Variants in SKIL observed in about 807,000 individuals in gnomAD.
The protein encoded by SKIL is ski-like protein.
SKIL carries 20 observed loss-of-function variants against 69.6 expected under a neutral mutation model. The ratio of observed to expected loss-of-function variants is 0.29; its 90% confidence interval spans 0.20 to 0.42. SKIL has a LOEUF of 0.42. SKIL is among the 10% of genes least tolerant of loss of function. SKIL has a pLI of 1.00. For missense variants in SKIL, 745 were observed against 783.1 expected, an observed-to-expected ratio of 0.95 and a Z score of 0.58; for synonymous variants, 310 against 279.9, an observed-to-expected ratio of 1.11 and a Z score of -1.08.
At chr3:170,362,923 C>T (rs1432302489) in intron 2 of SKIL, among the ~76,000 whole-genome samples, 1 of 149,446 alleles carries the variant, frequency 6.7e-6, no homozygotes, top group Admixed American at 6.8e-5. Context: ...TTTTGAATGC[C>T]GAGGTAATGG....
chr3:170,370,144 C>A (rs1736729292), intron 2 of SKIL, among the ~76,000 whole-genome samples: 1 of 152,018 alleles, frequency 6.6e-6, no homozygotes, highest in African/African-American at 2.4e-5. Flanking sequence ...GAGGCTGAGG[C>A]AGGAGAATGG....
chr3:170,386,470 G>T (rs942121485), intron 4 of SKIL, among the ~76,000 whole-genome samples: 3 of 151,908 alleles, frequency 2.0e-5, no homozygotes, highest in Non-Finnish European at 4.4e-5. Flanking sequence ...TTTTTGTTTC[G>T]TTTTTCTTTT....
At chr3:170,372,988 A>ATTTTTT (rs34211986) in intron 2 of SKIL, among the ~76,000 whole-genome samples, 1 of 134,178 alleles carries the variant, frequency 7.5e-6, no homozygotes, top group Non-Finnish European at 1.5e-5. Flanking sequence ...ATAATTTTCA[A>ATTTTTT]TTTTTTTTTT....
intron 1 of SKIL, among the ~76,000 whole-genome samples, chr3:170,358,214 G>C (rs1003895900): frequency 6.6e-6 from 1 of 152,186 alleles, no homozygotes; most frequent in Non-Finnish European, 1.5e-5. Context: ...GCCCGGGGCT[G>C]GCGCGGGGAG....
At chr3:170,373,010 C>T (rs539001907) in intron 2 of SKIL, among the ~76,000 whole-genome samples, 36 of 115,528 alleles carry the variant, frequency 3.1e-4, no homozygotes, top group Middle Eastern at 5.9e-3. Context: ...TTTTTTGAGA[C>T]GGAGTCTCAC....
At chr3:170,377,093 C>A (rs183929430) in intron 2 of SKIL, among the ~76,000 whole-genome samples, 1 of 152,204 alleles carries the variant, frequency 6.6e-6, no homozygotes, top group Non-Finnish European at 1.5e-5. Context: ...ATTTCTGTTG[C>A]CAGAAGTCAG....
At chr3:170,383,182 A>G (rs1463950810) in intron 3 of SKIL, among the ~76,000 whole-genome samples, 1 of 152,150 alleles carries the variant, frequency 6.6e-6, no homozygotes, top group African/African-American at 2.4e-5. Context: ...GTAAATCTGT[A>G]TTCCCTCCAA....
chr3:170,362,568 A>G (rs138238909), intron 2 of SKIL, among the ~76,000 whole-genome samples: 30 of 151,560 alleles, frequency 2.0e-4, no homozygotes. Context: ...CAATCCCAGC[A>G]CTTTGGGAGG....
At chr3:170,358,000 A>T (rs1178996094) in intron 1 of SKIL, 1 of 152,218 alleles carries the variant, frequency 6.6e-6, no homozygotes, top group Non-Finnish European at 1.5e-5. Flanking sequence ...CGTTGGCCCC[A>T]GGCGGTGGGC....
chr3:170,383,086 C>A (rs1362917766), intron 3 of SKIL, among the ~76,000 whole-genome samples: 4 of 152,160 alleles, frequency 2.6e-5, no homozygotes. Context: ...CCGTACTTCT[C>A]AAAATCAGAG....
chr3:170,362,260 T>TG (rs1201831937), intron 2 of SKIL, among the ~76,000 whole-genome samples: 2 of 152,160 alleles, frequency 1.3e-5, no homozygotes, highest in Non-Finnish European at 2.9e-5. Context: ...CCCAACACTT[T>TG]GGGGGGCTGA....
At chr3:170,364,311 C>CTTTTTTT (rs34818157) in intron 2 of SKIL, among the ~76,000 whole-genome samples, 8 of 59,974 alleles carry the variant, frequency 1.3e-4, no homozygotes, top group African/African-American at 4.0e-4. Flanking sequence ...TTGCTCCCGT[C>CTTTTTTT]TTTTTTTTTT....
In SKIL at chr3:170,375,176, A is replaced by G. The variant is rs112320486; in HGVS notation, c.1099-6068A>G. 2.8e-4 allele frequency among the ~76,000 whole-genome samples: 42 copies of G among 152,360 alleles called. 1 individual carries two copies. The highest frequency in any genetic ancestry group is 6.5e-4 in the African/African-American group (27 of 41,590). On this transcript the variant is annotated intron_variant, in intron 2 of 6. Coordinates refer to ENST00000259119, the MANE Select transcript of SKIL (RefSeq NM_005414.5). ...TAAATAGGGAATTCAGACATTGGCT[A>G]GGGGACTATGCTAGGTGATCTTTAA...
intron 2 of SKIL, among the ~76,000 whole-genome samples, chr3:170,364,690 C>T (rs1018670915): frequency 1.3e-5 from 2 of 151,764 alleles, no homozygotes; most frequent in Non-Finnish European, 2.9e-5. Context: ...TATTCTTGCT[C>T]TGTGTTTATG....
Position 170,360,513 on chromosome 3 carries a change from C to T in SKIL, c.182C>T (p.Pro61Leu), listed in dbSNP as rs1286104508. ...KEHLDDYGEA[P>L]VETDGEHVKR... Reference sequence around the variant, plus strand: ...CACTTGGATGACTATGGAGAAGCACCAGTGGAAACTGATGGAGAGCATGTT... The same window carrying T: ...CACTTGGATGACTATGGAGAAGCACTAGTGGAAACTGATGGAGAGCATGTT... The change falls in exon 2 of 7, where the codon CCA becomes CTA. Residue 61 changes from proline (P) to leucine (L), a missense_variant. By Grantham distance (98) the Pro-to-Leu change is moderately conservative. Coordinates refer to ENST00000259119, the MANE Select transcript of SKIL (RefSeq NM_005414.5). 5 of 1,614,120 alleles carry T rather than the reference C, an allele frequency of 3.1e-6. No homozygotes were observed. Among genetic ancestry groups the T allele is most frequent in the Admixed American group, 3.3e-5 (2 of 60,004 alleles).
intron 2 of SKIL, among the ~76,000 whole-genome samples, chr3:170,368,578 C>T (rs1016079208): frequency 1.3e-5 from 2 of 152,236 alleles, no homozygotes; most frequent in East Asian, 3.9e-4. Flanking sequence ...GCCTTTACTG[C>T]AGAAATGTAG....
rs148615745 is a variant in SKIL at position 170,360,682 on chromosome 3, G to A, written c.351G>A (p.Ser117=). Reference sequence around the variant, plus strand: ...CTCGGCATTCCCAAGAAAGCATGTCGCCTACTGTATTTCTGCCTCTTCCAT... The same window carrying A: ...CTCGGCATTCCCAAGAAAGCATGTCACCTACTGTATTTCTGCCTCTTCCAT... The part of the protein sequence containing the change: ...FSARHSQESM[S]PTVFLPLPSP... The change falls in exon 2 of 7, where the codon TCG becomes TCA. Residue 117 remains serine (S), a synonymous_variant. Transcript: ENST00000259119. 1,977 of 1,614,090 alleles carry A rather than the reference G, an allele frequency of 1.2e-3. 25 individuals are homozygous for A. The African/African-American group carries it at 0.024, about 19-fold the overall frequency.
chr3:170,381,008 T>G (rs939993596), intron 2 of SKIL, among the ~76,000 whole-genome samples: 8 of 151,480 alleles, frequency 5.3e-5, no homozygotes, highest in Non-Finnish European at 1.2e-4. Flanking sequence ...TTTTTTTTTT[T>G]TTTTTTAAAG....
chr3:170,376,242 T>G (rs2108207605), intron 2 of SKIL, among the ~76,000 whole-genome samples: 1 of 151,928 alleles, frequency 6.6e-6, no homozygotes. Flanking sequence ...GAGATGGGGT[T>G]TCACCATTTG....
Sources: allele counts gnomAD v4.1 joint callset (sites outside exome capture counted in the v4.1 genomes callset), GRCh38; gene constraint gnomAD v4.1.1; transcripts MANE v1.5; gene names NCBI Gene and HGNC (gene_info 2026-07-23, HGNC 2026-07-21).